Variants in MOB3C observed in about 807,000 individuals in gnomAD.
MOB3C encodes the protein MOB1, Mps One Binder kinase activator-like 2C.
In MOB3C, 17 loss-of-function variants were observed where a neutral mutation model predicts 19.8. The ratio of observed to expected loss-of-function variants is 0.86; its 90% CI spans 0.59 to 1.29. MOB3C has a LOEUF of 1.29. Ranked by LOEUF, MOB3C falls within the 50% of genes most tolerant of loss-of-function variation. The probability of loss-of-function intolerance (pLI) is 0.00; values close to 1 mark genes in which losing one functional copy is unlikely to be tolerated. For missense variants in MOB3C, 291 were observed against 301.9 expected (o/e 0.96, Z 0.27); for synonymous variants, 101 against 119.2 (o/e 0.85, Z 0.99).
At chr1:46,615,114 C>A in intron 1 of MOB3C, 1 of 1,531,184 alleles carries the variant, frequency 6.5e-7, no homozygotes, top group Non-Finnish European at 9.0e-7. Context: ...GGGGCAAGTG[C>A]TTCCAAAATC....
intron 1 of MOB3C, chr1:46,614,070 C>A (rs750744601): frequency 2.6e-5 from 4 of 152,482 alleles, no homozygotes; most frequent in Admixed American, 6.5e-5. Context: ...CAGCCTCCTC[C>A]AGCCCCAAAT....
Position 46,609,274 on chromosome 1 carries a change from A to C in MOB3C, c.*381T>G. On this transcript the variant is annotated 3_prime_UTR_variant, in exon 4 of 4. Coordinates refer to ENST00000319928, the MANE Select transcript of MOB3C (RefSeq NM_201403.3). ...CACACCCCGGCATCTGTGCTCACTC[A>C]CAGGCAGACTGCTCACTTTCTTGCA... 2.9e-6 allele frequency: 1 copy of C among 343,988 alleles called. No homozygotes were observed. The highest frequency in any genetic ancestry group is 2.6e-5 in the South Asian group (1 of 38,088). The allele number at this position is 343,988 out of a possible 1,614,324, so 21.3% of individuals were successfully genotyped here.
intron 1 of MOB3C, chr1:46,615,644 G>A (rs1236401068): frequency 6.5e-6 from 1 of 152,748 alleles, no homozygotes; most frequent in East Asian, 1.9e-4. Flanking sequence ...GACTTGAGGA[G>A]CCTGTGTCCA....
At position 46,613,258 on chromosome 1, in the gene MOB3C, C is replaced by G; in HGVS notation, c.64G>C (p.Glu22Gln). 1 of 1,613,820 alleles carries G rather than the reference C, an allele frequency of 6.2e-7. No individual in the cohort carries two copies. Among genetic ancestry groups the G allele is most frequent in the Non-Finnish European group, 8.5e-7 (1 of 1,180,042 alleles). ...DKTFRPRKRF[E>Q]PGTQRFELYK... ...AGCTCAAAGCGCTGTGTGCCCGGCT[C>G]AAAGCGCTTCCGCGGCCGGAACGTC... Residue 22 changes from glutamate (E) to glutamine (Q), a missense_variant, in exon 2 of 4, where the codon GAG (glutamate) becomes CAG (glutamine). Transcript: ENST00000319928.
chr1:46,612,731 C>T (rs1369014900), intron 2 of MOB3C, among the ~76,000 whole-genome samples, 173 bp downstream of exon 2: 1 of 152,034 alleles, frequency 6.6e-6, no homozygotes, highest in Non-Finnish European at 1.5e-5. Flanking sequence ...TCAGGAAGTC[C>T]TAGCAAATGC....
rs1260241808 is a variant in MOB3C at position 46,613,336 on chromosome 1, G to A, written c.-15C>T. ...CACAGGGCCATGGCCAGCTGGGCCTGGGGCTGCTGTCCAGGGGCTCGGACC... is the reference window on the plus strand; with the variant it reads ...CACAGGGCCATGGCCAGCTGGGCCTAGGGCTGCTGTCCAGGGGCTCGGACC... On this transcript the variant is annotated 5_prime_UTR_variant, in exon 2 of 4. Transcript: ENST00000319928. 1 of 1,601,420 alleles carries A rather than the reference G, an allele frequency of 6.2e-7. No individual in the cohort carries two copies. The highest frequency in any genetic ancestry group is 8.5e-7 in the Non-Finnish European group (1 of 1,179,854).
In MOB3C at chr1:46,613,311, C is replaced by T. The variant is rs1174265171; in HGVS notation, c.11G>A (p.Cys4Tyr). 6.2e-7 allele frequency: 1 copy of T among 1,605,066 alleles called. No individual in the cohort carries two copies. Among genetic ancestry groups the T allele is most frequent in the Non-Finnish European group, 8.5e-7 (1 of 1,179,984 alleles). ...GTCCTTGGCGAACACCTGCTTCAGG[C>T]ACAGGGCCATGGCCAGCTGGGCCTG... MALCLKQVFAKDKT... is the reference protein window; with the variant it reads MALYLKQVFAKDKT... The change falls in exon 2 of 4, where the codon TGC (cysteine) becomes TAC (tyrosine). Residue 4 changes from cysteine (C) to tyrosine (Y), a missense_variant. Cys to Tyr is a radical substitution (Grantham distance 194). Transcript: ENST00000319928.
In MOB3C at chr1:46,609,402, A is replaced by G; in HGVS notation, c.*253T>C. 2 of 582,518 alleles carry G rather than the reference A, an allele frequency of 3.4e-6. No homozygotes were observed. Among genetic ancestry groups the G allele is most frequent in the Non-Finnish European group, 6.1e-6 (2 of 325,288 alleles). The allele number at this position is 582,518 out of a possible 1,614,324, so 36.1% of individuals were successfully genotyped here. On this transcript the variant is annotated 3_prime_UTR_variant, in exon 4 of 4. Transcript: ENST00000319928. ...TAGAAGAAACCCCCTAGCCTACCCT[A>G]CTCCCAGACTTCATGCCAGAGGTTT...
intron 1 of MOB3C, chr1:46,614,721 G>A (rs1675532064): frequency 6.5e-6 from 3 of 459,518 alleles, no homozygotes; most frequent in Non-Finnish European, 7.8e-6. Flanking sequence ...GGTAACCCTG[G>A]GACAGGATTG....
chr1:46,609,604 A>G lies in MOB3C; in HGVS notation c.*51T>C. The G allele has an allele frequency of 6.2e-7, 1 of 1,613,132 alleles. No homozygotes were observed. The highest frequency in any genetic ancestry group is 8.5e-7 in the Non-Finnish European group (1 of 1,179,292). Reference sequence around the variant, plus strand: ...CTCCTGGGGGTCCCCTCTGCCAGCCACCCTATGTTCAGATCGTCCATCTGA... The same window carrying G: ...CTCCTGGGGGTCCCCTCTGCCAGCCGCCCTATGTTCAGATCGTCCATCTGA... On this transcript the variant is annotated 3_prime_UTR_variant, in exon 4 of 4. Transcript: ENST00000319928.
chr1:46,611,539 C>T lies in MOB3C; in HGVS notation c.419-1335G>A, dbSNP rs1675470243. ...CCCAGGGAGGTATGGCCAGCAGGGACTATGAATCTACATTCAGGTCCACAG... is the reference window on the plus strand; with the variant it reads ...CCCAGGGAGGTATGGCCAGCAGGGATTATGAATCTACATTCAGGTCCACAG... On this transcript the variant is annotated intron_variant, in intron 2 of 3. Transcript: ENST00000319928. This position sits in a 1 kb window ranked among gnomAD's most constrained non-coding sequence, Gnocchi z 4.1. 1.3e-5 allele frequency among the ~76,000 whole-genome samples: 2 copies of T among 152,186 alleles called. No individual in the cohort carries two copies. Among genetic ancestry groups the T allele is most frequent in the African/African-American group, 4.8e-5 (2 of 41,442 alleles).
At chr1:46,615,232 T>C in intron 1 of MOB3C, 1 of 610,018 alleles carries the variant, frequency 1.6e-6, no homozygotes, top group East Asian at 2.8e-5. Flanking sequence ...TTGTCCTACC[T>C]TTCCTGCCCC....
At chr1:46,612,774 A>C (rs763522205) in intron 2 of MOB3C, 130 bp downstream of exon 2, 1 of 919,658 alleles carries the variant, frequency 1.1e-6, no homozygotes, top group Non-Finnish European at 1.5e-6. Flanking sequence ...ACCTGTTTCA[A>C]CCTCGCTTTC....
chr1:46,616,540 G>T (rs74567462), intron 1 of MOB3C, 171 bp downstream of exon 1: 5,967 of 18,358 alleles, frequency 0.33, 191 homozygotes, highest in Non-Finnish European at 0.36. Flanking sequence ...AATCCCCCCC[G>T]CAACTTTCGA....
rs563591134 is a variant in MOB3C, at chr1:46,615,082, A to T, written c.-51+1629T>A. ...AAGAGATTTCTGCGCTTCATTTGCC[A>T]TCTCCATTTTAAACTCTGCTTGGGG... On this transcript the variant is annotated intron_variant, in intron 1 of 3. Coordinates refer to ENST00000319928, the MANE Select transcript of MOB3C (RefSeq NM_201403.3). 20 of 1,609,862 alleles carry T rather than the reference A, an allele frequency of 1.2e-5. No individual in the cohort carries two copies. In the South Asian group the frequency reaches 1.4e-4, roughly 11 times the overall value.
chr1:46,610,063 T>TTACC lies in MOB3C; in HGVS notation c.559_560insGGTA (p.Lys187ArgfsTer2). On this transcript the variant is annotated stop_gained and frameshift_variant, in exon 3 of 4. Coordinates refer to ENST00000319928, the MANE Select transcript of MOB3C (RefSeq NM_201403.3). LOFTEE classifies it high-confidence loss of function. ...CTCGCGGATGAAGTAGTAGAAGTGC[T>TTACC]TGTAGCAGGTGTTGACGTGCGCCTC... The TTACC allele has an allele frequency of 6.2e-7, 1 of 1,614,262 alleles. No homozygotes were observed. The highest frequency in any genetic ancestry group is 8.5e-7 in the Non-Finnish European group (1 of 1,180,044).
Position 46,609,257 on chromosome 1 carries a change from G to A in MOB3C, c.*398C>T, listed in dbSNP as rs908224267. ...AATCACACACACACACACACACCCCGGCATCTGTGCTCACTCACAGGCAGA... is the reference window on the plus strand; with the variant it reads ...AATCACACACACACACACACACCCCAGCATCTGTGCTCACTCACAGGCAGA... On this transcript the variant is annotated 3_prime_UTR_variant, in exon 4 of 4. Transcript: ENST00000319928. 3 of 298,596 alleles carry A rather than the reference G, an allele frequency of 1.0e-5. No homozygotes were observed. The highest frequency in any genetic ancestry group is 1.9e-5 in the Non-Finnish European group (3 of 153,998). 18.5% of individuals were successfully genotyped at this position (298,596 alleles called of 1,614,324 possible). A position where few individuals can be genotyped will look rare whatever the true frequency, so the allele number is the denominator to read the frequency against.
In MOB3C at chr1:46,613,082, C is replaced by T; in HGVS notation, c.240G>A (p.Glu80=). ...RINLIYGTMA[E]RCSETSCPVM... is the part of the protein sequence containing the mutation. The stretch of plus-strand genomic sequence containing the variant: ...CCGGGCAGCTGGTCTCACTGCAGCG[C>T]TCCGCCATAGTGCCGTAGATGAGGT... Residue 80 remains glutamate, a synonymous_variant, in exon 2 of 4, where the codon GAG becomes GAA. Transcript: ENST00000319928. 2.5e-6 allele frequency: 4 copies of T among 1,614,214 alleles called. No individual in the cohort carries two copies. The highest frequency in any genetic ancestry group is 3.4e-6 in the Non-Finnish European group (4 of 1,180,018).
Position 46,613,125 on chromosome 1 carries a change from T to C in MOB3C, c.197A>G (p.Asp66Gly). ...IDDWIAVHVV[D>G]FFNRINLIYG... ...GATGAGGTTGATGCGGTTGAAGAAG[T>C]CCACCACGTGCACGGCGATCCAGTC... Residue 66 changes from aspartate to glycine, a missense_variant, in exon 2 of 4, where the codon GAC (aspartate) becomes GGC (glycine). Physicochemically the swap from Asp to Gly is moderately conservative, Grantham distance 94. Coordinates refer to ENST00000319928, the MANE Select transcript of MOB3C (RefSeq NM_201403.3). The C allele has an allele frequency of 6.2e-7, 1 of 1,614,212 alleles. No individual in the cohort carries two copies. Among genetic ancestry groups the C allele is most frequent in the Middle Eastern group, 1.6e-4 (1 of 6,062 alleles).
Sources: gnomAD v4.1 joint callset for allele counts (sites outside exome capture counted in the v4.1 genomes callset) on GRCh38, gnomAD v4.1.1 for gene constraint, Gnocchi (gnomAD v3.1) non-coding constraint, MANE v1.5 for transcripts, NCBI Gene and HGNC (gene_info 2026-07-23, HGNC 2026-07-21) for gene names.